Variants in SLC30A10 observed in about 807,000 individuals in gnomAD.
SLC30A10 encodes the protein calcium/manganese antiporter SLC30A10.
SLC30A10 carries 8 observed loss-of-function variants against 21.7 expected under a neutral mutation model. The observed-to-expected ratio is 0.37, with a 90% CI of 0.22 to 0.67. The LOEUF (loss-of-function observed/expected upper bound fraction) is 0.67, where lower values mean the gene tolerates loss of function less well. Among genes scored for constraint, SLC30A10 ranks in the 30% least tolerant of loss-of-function variants. The probability of loss-of-function intolerance (pLI) is 0.58; values close to 1 mark genes in which losing one functional copy is unlikely to be tolerated. For missense variants in SLC30A10, 521 were observed against 642.5 expected (o/e 0.81, Z 2.04); for synonymous variants, 272 against 279.4 (o/e 0.97, Z 0.26).
chr1:219,955,032 A>G (rs2102548530), intron 1 of SLC30A10, among the ~76,000 whole-genome samples: 1 of 152,330 alleles, frequency 6.6e-6, no homozygotes, highest in Admixed American at 6.5e-5. Context: ...ATGAAAGATA[A>G]CAAGAAAATC....
At chr1:219,951,727 AAAAAGAAAAG>A (rs564779130) in intron 1 of SLC30A10, among the ~76,000 whole-genome samples, 2 of 151,816 alleles carry the variant, frequency 1.3e-5, no homozygotes, top group African/African-American at 2.4e-5. Context: ...TCTCAAAAAA[AAAAAGAAAAG>A]AAAAGAAAAG....
At chr1:219,943,294 G>T (rs1660144492) in intron 1 of SLC30A10, among the ~76,000 whole-genome samples, 1 of 152,104 alleles carries the variant, frequency 6.6e-6, no homozygotes, top group African/African-American at 2.4e-5. Context: ...AATAGAAGGT[G>T]CCCCTGCTTC....
In SLC30A10 at chr1:219,913,864, T is replaced by C. The variant is rs1479228177; in HGVS notation, c.*1585A>G. 6.6e-6 allele frequency: 1 copy of C among 152,154 alleles called. No homozygotes were observed. The highest frequency in any genetic ancestry group is 2.4e-5 in the African/African-American group (1 of 41,424). The allele number at this position is 152,154 out of a possible 1,614,324, so 9.4% of individuals were successfully genotyped here. On this transcript the variant is annotated 3_prime_UTR_variant, in exon 4 of 4. Transcript: ENST00000366926. ...GGGAGGCCAAGGCGAGAGAATCACT[T>C]GAGGCTAGGAGTTCAAGGCCAGCTG... is the stretch of plus-strand genomic sequence containing the variant.
At position 219,918,126 on chromosome 1, in the gene SLC30A10, C is replaced by A. The variant is rs1167048483; in HGVS notation, c.958+129G>T. 8.1e-6 allele frequency: 10 copies of A among 1,236,904 alleles called. No homozygotes were observed. In the East Asian group the frequency reaches 2.3e-4, roughly 29 times the overall value. 76.6% of individuals were successfully genotyped at this position (1,236,904 alleles called of 1,614,324 possible). On this transcript the variant is annotated intron_variant, in intron 3 of 3. Transcript: ENST00000366926. This position sits in a 1 kb window ranked among gnomAD's most constrained non-coding sequence, Gnocchi z 4.4. ...TAGGCTATAAAACATATGATGACAT[C>A]TCTACCACCTGGTGATTTAAGGTGT... is the stretch of plus-strand genomic sequence containing the variant.
In SLC30A10 at chr1:219,915,955, C is replaced by T. The variant is rs991775564; in HGVS notation, c.959-7G>A. On this transcript the variant is annotated splice_polypyrimidine_tract_variant and splice_region_variant and intron_variant, in intron 3 of 3. Coordinates refer to ENST00000366926, the MANE Select transcript of SLC30A10 (RefSeq NM_018713.3). The stretch of plus-strand genomic sequence containing the variant: ...ACAGCAGAGAGTTTACTCACTATAA[C>T]AGAGAAGAGCAAACAAAAGCCAAGG... 17 of 1,604,618 alleles carry T rather than the reference C, an allele frequency of 1.1e-5. No homozygotes were observed. The highest frequency in any genetic ancestry group is 1.4e-5 in the Non-Finnish European group (17 of 1,174,712).
intron 2 of SLC30A10, among the ~76,000 whole-genome samples, chr1:219,924,846 G>C (rs752879175): frequency 1.3e-5 from 2 of 152,148 alleles, no homozygotes; most frequent in Non-Finnish European, 2.9e-5. Context: ...GGTGGGTACT[G>C]TTATTATCCT....
At chr1:219,948,365 T>C (rs1442492342) in intron 1 of SLC30A10, among the ~76,000 whole-genome samples, 1 of 151,842 alleles carries the variant, frequency 6.6e-6, no homozygotes, top group Non-Finnish European at 1.5e-5. Flanking sequence ...CAAACTATAC[T>C]ACAAGGCTAC....
At chr1:219,920,582 A>G (rs1001001307) in intron 2 of SLC30A10, among the ~76,000 whole-genome samples, 1 of 152,184 alleles carries the variant, frequency 6.6e-6, no homozygotes, top group Non-Finnish European at 1.5e-5. Flanking sequence ...CATAACTCCT[A>G]TGACATACAG....
chr1:219,925,651 A>ATATATATATATTTTTTTTTT (rs1317554458), intron 2 of SLC30A10, among the ~76,000 whole-genome samples: 2 of 48,282 alleles, frequency 4.1e-5, no homozygotes, highest in African/African-American at 2.3e-4. Flanking sequence ...ATATATATAT[A>ATATATATATATTTTTTTTTT]TTTTTTTTTT....
chr1:219,951,610 A>G (rs1660272719), intron 1 of SLC30A10, among the ~76,000 whole-genome samples: 1 of 151,574 alleles, frequency 6.6e-6, no homozygotes, highest in Non-Finnish European at 1.5e-5. Context: ...AGTCCCAGCT[A>G]CTCGGGAGGC....
intron 2 of SLC30A10, 30 bp downstream of exon 2, chr1:219,926,998 G>A (rs1659841245): frequency 6.5e-7 from 1 of 1,529,248 alleles, no homozygotes; most frequent in Non-Finnish European, 9.0e-7. Context: ...CATAGAAAGG[G>A]ATTTCAAATA....
At chr1:219,927,638 TAAAAAAAAAAAAAAA>T (rs77015523) in intron 1 of SLC30A10, among the ~76,000 whole-genome samples, 148 bp downstream of exon 1, 1 of 53,402 alleles carries the variant, frequency 1.9e-5, no homozygotes, top group Non-Finnish European at 3.7e-5. Context: ...ATGGATTTAT[TAAAAAAAAAAAAAAA>T]AAAAAAAAAA....
chr1:219,911,954 A>G lies in SLC30A10; in HGVS notation c.*3495T>C, dbSNP rs1051819474. ...ACATCCTACAGTACACAACCCACAC[A>G]TCAGGAGCAAGAACACATCCAATTC... is the stretch of plus-strand genomic sequence containing the variant. On this transcript the variant is annotated 3_prime_UTR_variant, in exon 4 of 4. Transcript: ENST00000366926. Among the ~76,000 whole-genome samples the G allele has an allele frequency of 6.6e-6, 1 of 152,112 alleles. No homozygotes were observed. Among genetic ancestry groups the G allele is most frequent in the Non-Finnish European group, 1.5e-5 (1 of 68,036 alleles).
In SLC30A10 at chr1:219,915,482, C is replaced by T; in HGVS notation, c.1425G>A (p.Glu475=). Residue 475 remains glutamate, a synonymous_variant, in exon 4 of 4, where the codon GAG becomes GAA. Transcript: ENST00000366926. The stretch of plus-strand genomic sequence containing the variant: ...GCGTTCTGTTGACATAACATTGGTC[C>T]TCCTGAGTTTTGTTAAGACTTTGTC... ...DHGQSLNKTQ[E]DQCYVNRTHF is the part of the protein sequence containing the mutation. 1.2e-6 allele frequency: 2 copies of T among 1,614,164 alleles called. No homozygotes were observed. Among genetic ancestry groups the T allele is most frequent in the East Asian group, 2.2e-5 (1 of 44,878 alleles).
chr1:219,920,814 A>C (rs948009481), intron 2 of SLC30A10, among the ~76,000 whole-genome samples: 1 of 152,222 alleles, frequency 6.6e-6, no homozygotes, highest in African/African-American at 2.4e-5. Flanking sequence ...GAGCTACGTG[A>C]CAGGCAGCTG....
At chr1:219,955,232 G>A (rs1280632221) in intron 1 of SLC30A10, among the ~76,000 whole-genome samples, 6 of 152,046 alleles carry the variant, frequency 3.9e-5, no homozygotes, top group African/African-American at 1.2e-4. Flanking sequence ...CAAAGCCATC[G>A]ACCATTGTGG....
At chr1:219,956,252 C>A (rs1660347548) in intron 1 of SLC30A10, among the ~76,000 whole-genome samples, 1 of 152,072 alleles carries the variant, frequency 6.6e-6, no homozygotes, top group Non-Finnish European at 1.5e-5. Flanking sequence ...CTCACTGCAG[C>A]CTCAAACTTC....
rs1659606280 is a variant in SLC30A10 at position 219,918,672 on chromosome 1, C to T, written c.719-178G>A. The T allele has an allele frequency of 4.6e-6, 3 of 650,454 alleles. No homozygotes were observed. Among genetic ancestry groups the T allele is most frequent in the Non-Finnish European group, 7.3e-6 (3 of 412,846 alleles). 40.3% of individuals were successfully genotyped at this position (650,454 alleles called of 1,614,324 possible). A position where few individuals can be genotyped will look rare whatever the true frequency, so the allele number is the denominator to read the frequency against. On this transcript the variant is annotated intron_variant, in intron 2 of 3. Transcript: ENST00000366926. The surrounding 1 kb of genome is among the most constrained non-coding windows in gnomAD (Gnocchi z 4.4). ...GGCAACTACTTCTTAGGAAACAAAA[C>T]CCCAGGCCACCATCGCAGGACTCAG...
In SLC30A10 at chr1:219,928,210, G is replaced by C. The variant is rs761765822; in HGVS notation, c.231C>G (p.Ala77=). 3.2e-6 allele frequency: 5 copies of C among 1,561,860 alleles called. No homozygotes were observed. Among genetic ancestry groups the C allele is most frequent in the Admixed American group, 1.9e-5 (1 of 51,674 alleles). Residue 77 remains alanine (A), a synonymous_variant, in exon 1 of 4, where the codon GCC becomes GCG. Coordinates refer to ENST00000366926, the MANE Select transcript of SLC30A10 (RefSeq NM_018713.3). The surrounding 1 kb of genome is among the most constrained non-coding windows in gnomAD (Gnocchi z 6.3). ...CGTTGCTCAGCGCGCCCACCACCTC[G>C]GCGCGGGCGTAGCCGTAGGTGGCGC... ...GFSATYGYAR[A]EVVGALSNAV...
Sources: allele counts gnomAD v4.1 joint callset (sites outside exome capture counted in the v4.1 genomes callset), GRCh38; gene constraint gnomAD v4.1.1; non-coding constraint Gnocchi (gnomAD v3.1); transcripts MANE v1.5; gene names NCBI Gene and HGNC (gene_info 2026-07-23, HGNC 2026-07-21).